Variants in AVEN observed in about 807,000 individuals in gnomAD.
AVEN encodes apoptosis and caspase activation inhibitor, also known as cell death regulator Aven.
A neutral mutation model predicts 38.1 loss-of-function variants in AVEN; 41 were observed. That is an observed-to-expected ratio of 1.08 (90% CI 0.84 to 1.40). The LOEUF (loss-of-function observed/expected upper bound fraction) is 1.40. AVEN is among the 40% of genes most tolerant of loss of function. AVEN has a pLI of 0.00. For synonymous variants in AVEN, 206 were observed against 171.8 expected (o/e 1.20, Z -1.56); for missense variants, 605 against 438.8 (o/e 1.38, Z -3.38).
At chr15:33,915,962 G>A (rs1042892843) in intron 2 of AVEN, among the ~76,000 whole-genome samples, 38 of 152,046 alleles carry the variant, frequency 2.5e-4, no homozygotes, top group Admixed American at 1.0e-3. Context: ...ATTCTCCTGG[G>A]AACATAACTC....
chr15:33,925,656 C>T (rs563453243), intron 2 of AVEN, among the ~76,000 whole-genome samples: 1 of 152,274 alleles, frequency 6.6e-6, no homozygotes, highest in South Asian at 2.1e-4. Flanking sequence ...ACTAGTAAGA[C>T]TGTAGTGAAT....
chr15:34,003,329 G>T, intron 1 of AVEN, 120 bp from the exon 2 acceptor site: 1 of 794,810 alleles, frequency 1.3e-6, no homozygotes, highest in Non-Finnish European at 2.0e-6. Context: ...CAAGCTGTCT[G>T]AAGATATTAA....
intron 2 of AVEN, among the ~76,000 whole-genome samples, chr15:33,975,207 T>C (rs981670748): frequency 1.2e-4 from 18 of 152,164 alleles, no homozygotes; most frequent in Non-Finnish European, 2.5e-4. Flanking sequence ...GATATGTTTG[T>C]TGTAATTGTT....
chr15:34,072,372 G>A (rs1350233464), intron 1 of AVEN, among the ~76,000 whole-genome samples: 1 of 151,918 alleles, frequency 6.6e-6, no homozygotes, highest in African/African-American at 2.4e-5. Context: ...CAGCACTTTG[G>A]GAGGCCGAGG....
At chr15:33,933,524 CAGAGAGAGAGAGAGAGAGAGAG>C (rs3086294) in intron 2 of AVEN, among the ~76,000 whole-genome samples, 58 of 46,646 alleles carry the variant, frequency 1.2e-3, no homozygotes, top group African/African-American at 2.4e-3. Context: ...CACACACACA[CAGAGAGAGAGAGAGAGAGAGAG>C]AGAGAGAGAG....
At chr15:33,880,134 C>A (rs1339820272) in intron 2 of AVEN, among the ~76,000 whole-genome samples, 2 of 151,914 alleles carry the variant, frequency 1.3e-5, no homozygotes, top group Non-Finnish European at 2.9e-5. Flanking sequence ...GGGTAAAATC[C>A]AACAATGACT....
At chr15:33,863,264 G>A (rs1362778642), downstream of AVEN, among the ~76,000 whole-genome samples, 1 of 152,144 alleles carries the variant, frequency 6.6e-6, no homozygotes, top group Non-Finnish European at 1.5e-5. Flanking sequence ...CAGCCCCTAC[G>A]TATCAAACAG....
chr15:34,008,777 C>T (rs1384902121), intron 1 of AVEN, among the ~76,000 whole-genome samples: 2 of 151,980 alleles, frequency 1.3e-5, no homozygotes, highest in Non-Finnish European at 2.9e-5. Context: ...CGTGAGCCAC[C>T]GTGCCTAGCC....
intron 2 of AVEN, among the ~76,000 whole-genome samples, chr15:33,916,122 C>T (rs1893127513): frequency 6.6e-6 from 1 of 152,160 alleles, no homozygotes; most frequent in Non-Finnish European, 1.5e-5. Context: ...ACATAATCTC[C>T]TGGGAGCTCC....
At chr15:33,865,291 T>G (rs1049798813), downstream of AVEN, 2 of 1,150,034 alleles carry the variant, frequency 1.7e-6, no homozygotes, top group African/African-American at 3.1e-5. Context: ...GTCCCCTTTT[T>G]ACAGTTCTGC....
downstream of AVEN, chr15:33,857,794 C>A: frequency 1.9e-6 from 3 of 1,614,052 alleles, no homozygotes; most frequent in South Asian, 3.3e-5. Context: ...TTCTGACTGT[C>A]GGTCTCCTGG....
intron 5 of AVEN, among the ~76,000 whole-genome samples, chr15:34,059,194 G>T (rs1434973637): frequency 1.3e-5 from 2 of 152,124 alleles, no homozygotes; most frequent in African/African-American, 4.8e-5. Context: ...ACCACACCTG[G>T]CCTCCTTATT....
chr15:33,930,604 T>C (rs529043939), intron 2 of AVEN, among the ~76,000 whole-genome samples: 1 of 152,288 alleles, frequency 6.6e-6, no homozygotes, highest in Non-Finnish European at 1.5e-5. Flanking sequence ...ATAGTCTGTA[T>C]CCAAAATTAA....
upstream of AVEN, among the ~76,000 whole-genome samples, chr15:34,041,138 C>T (rs1305086778): frequency 6.6e-6 from 1 of 151,968 alleles, no homozygotes; most frequent in Non-Finnish European, 1.5e-5. Flanking sequence ...TTATCCTGTG[C>T]ATTGTAGAAT....
At chr15:33,989,650 AT>A (rs1300639516) in intron 2 of AVEN, among the ~76,000 whole-genome samples, 1 of 152,048 alleles carries the variant, frequency 6.6e-6, no homozygotes, top group Non-Finnish European at 1.5e-5. Flanking sequence ...CATGTGTTTT[AT>A]TTTAGAAGAG....
chr15:33,853,665 G>A, the AVEN span: 19 of 1,613,628 alleles, frequency 1.2e-5, no homozygotes, highest in Middle Eastern at 1.6e-4. Flanking sequence ...AAGCAGAAGC[G>A]GCTTCTCTGG....
intron 2 of AVEN, among the ~76,000 whole-genome samples, chr15:33,920,784 T>C (rs1893363724): frequency 6.6e-6 from 1 of 151,972 alleles, no homozygotes; most frequent in African/African-American, 2.4e-5. Context: ...CCTTTTTTTT[T>C]AGATGAAGTC....
At chr15:33,977,362 T>C (rs1035534746) in intron 2 of AVEN, among the ~76,000 whole-genome samples, 2 of 152,190 alleles carry the variant, frequency 1.3e-5, no homozygotes, top group Non-Finnish European at 2.9e-5. Flanking sequence ...ATGAGACAGA[T>C]TCAAAACAAA....
intron 2 of AVEN, among the ~76,000 whole-genome samples, chr15:33,937,950 A>G (rs1002229180): frequency 5.4e-5 from 8 of 149,140 alleles, no homozygotes; most frequent in Admixed American, 1.3e-4. Context: ...AAAAAAAAAA[A>G]AAAAAAAAGA....
Sources: gnomAD v4.1 joint callset for allele counts (sites outside exome capture counted in the v4.1 genomes callset) on GRCh38, gnomAD v4.1.1 for gene constraint, MANE v1.5 for transcripts, NCBI Gene and HGNC (gene_info 2026-07-23, HGNC 2026-07-21) for gene names.